Variants in RPS6KB1 observed in about 807,000 individuals in gnomAD.
RPS6KB1 encodes ribosomal protein S6 kinase B1.
A neutral mutation model predicts 70.2 loss-of-function variants in RPS6KB1; 12 were observed. The observed-to-expected ratio is 0.17, with a 90% confidence interval of 0.11 to 0.28. RPS6KB1 has a LOEUF of 0.28. RPS6KB1 is among the 10% of genes least tolerant of loss of function. The pLI is 1.00. For missense variants in RPS6KB1, 270 were observed against 646.6 expected (o/e 0.42, Z 6.32); for synonymous variants, 175 against 211.2 (o/e 0.83, Z 1.49).
rs1354257709 is a variant in RPS6KB1 at position 59,948,850 on chromosome 17, A to C, written c.*2062A>C. The C allele has an allele frequency of 3.3e-5, 5 of 152,632 alleles. No individual in the cohort carries two copies. The allele number at this position is 152,632 out of a possible 1,614,324, so 9.5% of individuals were successfully genotyped here. ...ACAGAACCCGAAAAGCTATGGTGAT[A>C]TGTACAGGCATTATTTCAGACTGTA... On this transcript the variant is annotated 3_prime_UTR_variant, in exon 15 of 15. Transcript: ENST00000225577.
chr17:59,909,960 C>T (rs1195106255), intron 1 of RPS6KB1, among the ~76,000 whole-genome samples: 18 of 150,468 alleles, frequency 1.2e-4, no homozygotes, highest in Admixed American at 6.0e-4. Context: ...TGCAGTGAGC[C>T]GAGATGGCGC....
At position 59,909,286 on chromosome 17, in the gene RPS6KB1, G is replaced by T. The variant is rs1418453890; in HGVS notation, c.142-1276G>T. 2.4e-4 allele frequency among the ~76,000 whole-genome samples: 16 copies of T among 65,500 alleles called. No individual in the cohort carries two copies. The East Asian group carries it at 9.6e-3, about 39-fold the overall frequency. The allele number at this position is 65,500 out of a possible 152,430, so 43.0% of individuals were successfully genotyped here. A position where few individuals can be genotyped will look rare whatever the true frequency, so the allele number is the denominator to read the frequency against. The stretch of plus-strand genomic sequence containing the variant: ...TTTTTTTTTTTTTTTTTTTTTTTTT[G>T]AGATGGAGTCTTGCTCTGTTGCCCA... On this transcript the variant is annotated intron_variant, in intron 1 of 14. Transcript: ENST00000225577.
At chr17:59,917,570 A>G (rs1270340286) in intron 4 of RPS6KB1, among the ~76,000 whole-genome samples, 4 of 152,048 alleles carry the variant, frequency 2.6e-5, no homozygotes, top group Admixed American at 2.6e-4. Flanking sequence ...CTGAGTAGCT[A>G]GGACTGCAGA....
At position 59,914,225 on chromosome 17, in the gene RPS6KB1, A is replaced by G. The variant is rs550148780; in HGVS notation, c.313-410A>G. Among the ~76,000 whole-genome samples the G allele has an allele frequency of 2.6e-5, 4 of 152,210 alleles. No homozygotes were observed. The South Asian group carries it at 8.3e-4, about 32-fold the overall frequency. ...TGGCAAGCAACCTTGAAAGAAATTT[A>G]TGAAATATTTTATAATTTTTACTGC... On this transcript the variant is annotated intron_variant, in intron 3 of 14. Coordinates refer to ENST00000225577, the MANE Select transcript of RPS6KB1 (RefSeq NM_003161.4).
chr17:59,938,135 G>GT (rs1261260588), intron 12 of RPS6KB1, among the ~76,000 whole-genome samples: 5 of 112,682 alleles, frequency 4.4e-5, no homozygotes, highest in African/African-American at 1.3e-4. Context: ...AGTTTCCTTA[G>GT]TTGTTTTTTT....
Position 59,946,419 on chromosome 17 carries a change from G to T in RPS6KB1, c.1341-132G>T. 1.3e-6 allele frequency: 1 copy of T among 767,096 alleles called. No individual in the cohort carries two copies. The highest frequency in any genetic ancestry group is 2.2e-6 in the Non-Finnish European group (1 of 460,556). The allele number at this position is 767,096 out of a possible 1,614,324, so 47.5% of individuals were successfully genotyped here. A position where few individuals can be genotyped will look rare whatever the true frequency, so the allele number is the denominator to read the frequency against. Reference sequence around the variant, plus strand: ...GAGATGGTTCAATTTTTGCCTTTGTGCTAATCCACGTGAAAATAAAATTAA... The same window carrying T: ...GAGATGGTTCAATTTTTGCCTTTGTTCTAATCCACGTGAAAATAAAATTAA... On this transcript the variant is annotated intron_variant, in intron 14 of 14. Transcript: ENST00000225577. The surrounding 1 kb of genome is among the most constrained non-coding windows in gnomAD (Gnocchi z 4.2).
In RPS6KB1 at chr17:59,949,035, C is replaced by G. The variant is rs1282263214; in HGVS notation, c.*2247C>G. 1 of 152,548 alleles carries G rather than the reference C, an allele frequency of 6.6e-6. No homozygotes were observed. Among genetic ancestry groups the G allele is most frequent in the African/African-American group, 2.4e-5 (1 of 41,428 alleles). The allele number at this position is 152,548 out of a possible 1,614,324, so 9.4% of individuals were successfully genotyped here. On this transcript the variant is annotated 3_prime_UTR_variant, in exon 15 of 15. Transcript: ENST00000225577. ...CTGTGATTGGCTGGCTATAACCACC[C>G]CAGTTAAACCATTTTCATAATTAGT...
chr17:59,905,752 C>T (rs188824485), intron 1 of RPS6KB1, among the ~76,000 whole-genome samples: 11 of 152,118 alleles, frequency 7.2e-5, no homozygotes, highest in African/African-American at 1.4e-4. Flanking sequence ...GTCATCCACC[C>T]GCCTCAGCCT....
chr17:59,908,827 C>T (rs1340737418), intron 1 of RPS6KB1, among the ~76,000 whole-genome samples: 1 of 140,998 alleles, frequency 7.1e-6, no homozygotes. Flanking sequence ...ACCGTGTTAG[C>T]CAGGATGGTC....
rs1453847952 is a variant in RPS6KB1 at position 59,911,702 on chromosome 17, G to A, written c.192-982G>A. Among the ~76,000 whole-genome samples the A allele has an allele frequency of 2.6e-5, 4 of 151,814 alleles. No individual in the cohort carries two copies. The East Asian group carries it at 7.7e-4, about 29-fold the overall frequency. ...TGGGATTATAGGTTCCTGCCACCACGCCCAGCTAATTTTTGTATTTTTAAT... is the reference window on the plus strand; with the variant it reads ...TGGGATTATAGGTTCCTGCCACCACACCCAGCTAATTTTTGTATTTTTAAT... On this transcript the variant is annotated intron_variant, in intron 2 of 14. Coordinates refer to ENST00000225577, the MANE Select transcript of RPS6KB1 (RefSeq NM_003161.4).
At chr17:59,902,598 G>C in intron 1 of RPS6KB1, among the ~76,000 whole-genome samples, 1 of 143,274 alleles carries the variant, frequency 7.0e-6, no homozygotes. Context: ...TTTTTTTGGA[G>C]ATAGGGTCTC....
intron 1 of RPS6KB1, among the ~76,000 whole-genome samples, chr17:59,910,348 C>T (rs2042561944): frequency 6.6e-6 from 1 of 152,098 alleles, no homozygotes; most frequent in Admixed American, 6.6e-5. Context: ...AGAAAGACCT[C>T]ATCTCTATTT....
In RPS6KB1 at chr17:59,931,654, G is replaced by C. The variant is rs2043930629; in HGVS notation, c.620G>C (p.Gly207Ala). 1 of 1,613,328 alleles carries C rather than the reference G, an allele frequency of 6.2e-7. No individual in the cohort carries two copies. Among genetic ancestry groups the C allele is most frequent in the African/African-American group, 1.3e-5 (1 of 74,860 alleles). ...TTGGCAGAAATCTCCATGGCTTTGG[G>C]GCATTTACATCAAAAGGGGATCATC... ...FYLAEISMALGHLHQKGIIYR... is the reference protein window; with the variant it reads ...FYLAEISMALAHLHQKGIIYR... The change falls in exon 7 of 15, where the codon GGG becomes GCG. Residue 207 changes from glycine to alanine, a missense_variant. Gly to Ala is a moderately conservative substitution (Grantham distance 60, BLOSUM62 0). Around this residue, in one of 4 missense-constraint regions of RPS6KB1, gnomAD observed 21 missense variants for 135.9 expected, o/e 0.15. Coordinates refer to ENST00000225577, the MANE Select transcript of RPS6KB1 (RefSeq NM_003161.4).
rs1455700407 is a variant in RPS6KB1 at position 59,934,548 on chromosome 17, A to G, written c.870+24A>G. The G allele has an allele frequency of 6.4e-7, 1 of 1,555,234 alleles. No individual in the cohort carries two copies. On this transcript the variant is annotated intron_variant, in intron 9 of 14. Transcript: ENST00000225577. This position sits in a 1 kb window ranked among gnomAD's most constrained non-coding sequence, Gnocchi z 4.8. ...CAGTAGGTGCACAGTTAAAAGCTGCATGTATTATTGGTCTGTGCTGAGTCA... is the reference window on the plus strand; with the variant it reads ...CAGTAGGTGCACAGTTAAAAGCTGCGTGTATTATTGGTCTGTGCTGAGTCA...
In RPS6KB1 at chr17:59,893,937, GC is replaced by G. The variant is rs2041325699; in HGVS notation, c.141+613del. ...CCAATCTTCCAGGGTTTGTTTGTTT[GC>G]TTTTTTTTTTTTACCCCCTTCCGTG... On this transcript the variant is annotated intron_variant, in intron 1 of 14. Coordinates refer to ENST00000225577, the MANE Select transcript of RPS6KB1 (RefSeq NM_003161.4). The surrounding 1 kb of genome is among the most constrained non-coding windows in gnomAD (Gnocchi z 4.1). 1.3e-5 allele frequency: 13 copies of G among 968,556 alleles called. No homozygotes were observed. Among genetic ancestry groups the G allele is most frequent in the Non-Finnish European group, 1.6e-5 (13 of 824,172 alleles). 60.0% of individuals were successfully genotyped at this position (968,556 alleles called of 1,614,324 possible).
At chr17:59,942,101 G>A (rs111912054) in intron 13 of RPS6KB1, among the ~76,000 whole-genome samples, 5,795 of 151,202 alleles carry the variant, frequency 0.038, 335 homozygotes, top group African/African-American at 0.13. Context: ...CTCATGATCC[G>A]CCCGCCTTGG....
chr17:59,941,067 TTTA>T, intron 13 of RPS6KB1, 124 bp downstream of exon 13: 2 of 589,152 alleles, frequency 3.4e-6, no homozygotes, highest in Non-Finnish European at 3.0e-6. Context: ...TTTTTTTTTT[TTTA>T]AATAAGCCAT....
rs1334143385 is a variant in RPS6KB1 at position 59,947,260 on chromosome 17, T to TA, written c.*473dup. 3 of 1,026,968 alleles carry TA rather than the reference T, an allele frequency of 2.9e-6. No individual in the cohort carries two copies. Among genetic ancestry groups the TA allele is most frequent in the Non-Finnish European group, 2.3e-6 (2 of 854,868 alleles). The allele number at this position is 1,026,968 out of a possible 1,614,324, so 63.6% of individuals were successfully genotyped here. A position where few individuals can be genotyped will look rare whatever the true frequency, so the allele number is the denominator to read the frequency against. On this transcript the variant is annotated 3_prime_UTR_variant, in exon 15 of 15. Coordinates refer to ENST00000225577, the MANE Select transcript of RPS6KB1 (RefSeq NM_003161.4). ...AATGGAAGCAAAGACAAAAGAAACT[T>TA]ACCAATTGATGTTTTACGTGCAAAC... is the stretch of plus-strand genomic sequence containing the variant.
chr17:59,908,744 G>A (rs866530408), intron 1 of RPS6KB1, among the ~76,000 whole-genome samples: 1 of 137,874 alleles, frequency 7.3e-6, no homozygotes, highest in Non-Finnish European at 1.5e-5. Flanking sequence ...TCAGCCTCCC[G>A]AGTAGCTGGG....
Sources: gnomAD v4.1 joint callset for allele counts (sites outside exome capture counted in the v4.1 genomes callset) on GRCh38, gnomAD v4.1.1 for gene constraint, gnomAD v4.1.1 regional missense constraint, Gnocchi (gnomAD v3.1) non-coding constraint, MANE v1.5 for transcripts, NCBI Gene and HGNC (gene_info 2026-07-23, HGNC 2026-07-21) for gene names.